Variants in PCOLCE2 observed in about 807,000 individuals in gnomAD.
PCOLCE2 encodes procollagen C-endopeptidase enhancer 2, also known as procollagen C-proteinase enhancer 2.
A neutral mutation model predicts 47.0 loss-of-function variants in PCOLCE2; 42 were observed. That is an observed-to-expected ratio of 0.89 (90% confidence interval 0.70 to 1.16). PCOLCE2 has a LOEUF of 1.16. PCOLCE2 is among the 50% of genes most tolerant of loss of function. PCOLCE2 has a pLI of 0.00. For synonymous variants in PCOLCE2, 169 were observed against 191.7 expected (o/e 0.88, Z 0.98); for missense variants, 500 against 526.1 (o/e 0.95, Z 0.49).
intron 2 of PCOLCE2, among the ~76,000 whole-genome samples, chr3:142,878,521 A>G (rs1201272389): frequency 6.6e-6 from 1 of 152,164 alleles, no homozygotes; most frequent in Admixed American, 6.5e-5. Flanking sequence ...TCCATACACT[A>G]ACATTTCTAC....
chr3:142,877,505 C>T (rs1043125704), intron 2 of PCOLCE2, among the ~76,000 whole-genome samples: 30 of 152,184 alleles, frequency 2.0e-4, no homozygotes, highest in Non-Finnish European at 4.3e-4. Context: ...AGCAACACTA[C>T]CATTTATTGA....
intron 6 of PCOLCE2, among the ~76,000 whole-genome samples, chr3:142,828,034 GC>G (rs2108186808): frequency 6.6e-6 from 1 of 152,162 alleles, no homozygotes; most frequent in East Asian, 1.9e-4. Flanking sequence ...CTGAATTTGT[GC>G]CATAGCACAG....
Position 142,820,939 on chromosome 3 carries a change from C to T in PCOLCE2, c.1056G>A (p.Ala352=), listed in dbSNP as rs139680346. ...YKEGNLAIQQ[A]GKNMSARLTV... ...TCAGCCTGGCACTCATGTTCTTGCCCGCCTGCTGAATCGCCAAATTTCCCT... is the reference window on the plus strand; with the variant it reads ...TCAGCCTGGCACTCATGTTCTTGCCTGCCTGCTGAATCGCCAAATTTCCCT... Residue 352 remains alanine, a synonymous_variant, in exon 8 of 9, where the codon GCG becomes GCA. Transcript: ENST00000295992. 29 of 1,614,058 alleles carry T rather than the reference C, an allele frequency of 1.8e-5. No homozygotes were observed. The African/African-American group carries it at 2.1e-4, about 12-fold the overall frequency.
chr3:142,845,672 G>A (rs185195432), intron 3 of PCOLCE2, among the ~76,000 whole-genome samples: 66 of 152,106 alleles, frequency 4.3e-4, no homozygotes, highest in African/African-American at 1.2e-3. Flanking sequence ...TTATTCCAGC[G>A]CTTTAAAAAT....
chr3:142,835,034 A>G (rs1357506408), intron 5 of PCOLCE2, among the ~76,000 whole-genome samples: 1 of 152,036 alleles, frequency 6.6e-6, no homozygotes, highest in African/African-American at 2.4e-5. Flanking sequence ...TGAAAAAAAT[A>G]GAGTTTCTCC....
At chr3:142,883,186 G>A (rs1272872956) in intron 2 of PCOLCE2, among the ~76,000 whole-genome samples, 1 of 120,160 alleles carries the variant, frequency 8.3e-6, no homozygotes, top group Non-Finnish European at 1.7e-5. Flanking sequence ...GCAACAGAGC[G>A]AGACTCCGTC....
chr3:142,835,840 T>C (rs911404281), intron 5 of PCOLCE2, among the ~76,000 whole-genome samples: 6 of 152,184 alleles, frequency 3.9e-5, no homozygotes, highest in Non-Finnish European at 8.8e-5. Context: ...GATGGTATCT[T>C]ACCATGTTGC....
chr3:142,820,107 AT>A (rs76842871), intron 8 of PCOLCE2, among the ~76,000 whole-genome samples: 10,432 of 145,066 alleles, frequency 0.072, 500 homozygotes, highest in African/African-American at 0.14. Flanking sequence ...AGGAACTTAA[AT>A]TTTTTTTTTT....
intron 2 of PCOLCE2, among the ~76,000 whole-genome samples, chr3:142,851,097 T>A (rs1932929084): frequency 6.6e-6 from 1 of 151,894 alleles, no homozygotes; most frequent in Admixed American, 6.6e-5. Flanking sequence ...ATATATAGAA[T>A]TTTTTTTCTG....
At chr3:142,849,131 T>C (rs1002122622) in intron 2 of PCOLCE2, among the ~76,000 whole-genome samples, 6 of 147,712 alleles carry the variant, frequency 4.1e-5, no homozygotes, top group African/African-American at 1.5e-4. Flanking sequence ...CCAGCCTGGG[T>C]GACAGAGCGA....
chr3:142,888,585 G>T (rs1222367935), intron 1 of PCOLCE2: 5 of 407,362 alleles, frequency 1.2e-5, no homozygotes, highest in African/African-American at 2.1e-5. Context: ...AGGGCCATCC[G>T]GCAGGCCGGG....
intron 8 of PCOLCE2, 70 bp from the exon 9 acceptor site, chr3:142,818,535 G>A (rs969842687): frequency 9.0e-7 from 1 of 1,116,080 alleles, no homozygotes; most frequent in Non-Finnish European, 1.4e-6. Context: ...TAGACTGTAA[G>A]TTACCTCTAG....
intron 8 of PCOLCE2, among the ~76,000 whole-genome samples, chr3:142,820,465 C>T (rs1364464662): frequency 6.6e-6 from 1 of 152,156 alleles, no homozygotes; most frequent in Non-Finnish European, 1.5e-5. Flanking sequence ...ACTTAATAGT[C>T]CTATCTCTGC....
chr3:142,862,341 TCTC>T (rs771933352), intron 2 of PCOLCE2, among the ~76,000 whole-genome samples: 1 of 152,160 alleles, frequency 6.6e-6, no homozygotes, highest in African/African-American at 2.4e-5. Context: ...ACACCTCCCT[TCTC>T]CTCTGGCAGG....
At chr3:142,822,701 G>A (rs1937028961) in intron 7 of PCOLCE2, among the ~76,000 whole-genome samples, 1 of 152,188 alleles carries the variant, frequency 6.6e-6, no homozygotes, top group Non-Finnish European at 1.5e-5. Flanking sequence ...ATTTCAGCAT[G>A]TGAACTCTAG....
At chr3:142,855,648 G>A (rs1267696941) in intron 2 of PCOLCE2, among the ~76,000 whole-genome samples, 1 of 152,172 alleles carries the variant, frequency 6.6e-6, no homozygotes, top group African/African-American at 2.4e-5. Context: ...CAGTTAAGTT[G>A]GGGCCATGAG....
At chr3:142,868,356 C>G (rs1007325326) in intron 2 of PCOLCE2, among the ~76,000 whole-genome samples, 1 of 152,186 alleles carries the variant, frequency 6.6e-6, no homozygotes, top group African/African-American at 2.4e-5. Context: ...CCAAAGCTAA[C>G]CTGAAAAACT....
intron 2 of PCOLCE2, among the ~76,000 whole-genome samples, chr3:142,873,210 A>G (rs1933429099): frequency 6.6e-6 from 1 of 152,106 alleles, no homozygotes; most frequent in Non-Finnish European, 1.5e-5. Flanking sequence ...CTCGGCCAAC[A>G]TGGTGAAACC....
chr3:142,834,711 T>C (rs1285090938), intron 5 of PCOLCE2, among the ~76,000 whole-genome samples: 1 of 152,196 alleles, frequency 6.6e-6, no homozygotes, highest in East Asian at 1.9e-4. Context: ...ATTGCTAAAT[T>C]TGGCTTGCCA....
Sources: allele counts gnomAD v4.1 joint callset (sites outside exome capture counted in the v4.1 genomes callset), GRCh38; gene constraint gnomAD v4.1.1; transcripts MANE v1.5; gene names NCBI Gene and HGNC (gene_info 2026-07-23, HGNC 2026-07-21).